Variants in MARS2 observed in about 807,000 individuals in gnomAD.
MARS2 encodes the protein methionyl-tRNA synthetase 2, mitochondrial, also known as methionine--tRNA ligase, mitochondrial.
Under a neutral mutation model 43.8 loss-of-function variants are expected in MARS2, and 33 were observed. The observed-to-expected ratio is 0.75, with a 90% confidence interval of 0.57 to 1.01. The LOEUF is 1.01. MARS2 is among the 50% of genes least tolerant of loss of function. The probability of loss-of-function intolerance (pLI) is 0.00; values close to 1 mark genes in which losing one functional copy is unlikely to be tolerated. For missense variants in MARS2, 720 were observed against 763.0 expected (o/e 0.94, Z 0.66); for synonymous variants, 351 against 325.5 (o/e 1.08, Z -0.84).
In MARS2 at chr2:197,705,410, T is replaced by G. The variant is rs529228852; in HGVS notation, c.5T>G (p.Leu2Arg). Residue 2 changes from leucine to arginine, a missense_variant, in exon 1 of 1, where the codon CTG becomes CGG. Transcript: ENST00000282276. M[L>R]RTSVLRLLGR... Reference sequence around the variant, plus strand: ...CGCTTGCGGCCGGTCTGCACCATGCTGCGAACGTCCGTCCTCCGCCTGCTA... The same window carrying G: ...CGCTTGCGGCCGGTCTGCACCATGCGGCGAACGTCCGTCCTCCGCCTGCTA... 1.9e-5 allele frequency: 30 copies of G among 1,608,592 alleles called. No individual in the cohort carries two copies. The East Asian group carries it at 2.0e-4, about 11-fold the overall frequency.
At position 197,707,184 on chromosome 2, in the gene MARS2, C is replaced by T; in HGVS notation, c.1779C>T (p.Thr593=). The T allele has an allele frequency of 1.9e-6, 3 of 1,607,594 alleles. No individual in the cohort carries two copies. Among genetic ancestry groups the T allele is most frequent in the Non-Finnish European group, 8.5e-7 (1 of 1,177,138 alleles). ...SRTWLVKAHR[T] is the part of the protein sequence containing the mutation. ...CTTGGCTGGTGAAAGCCCACCGGAC[C>T]TAGAAACTCAGTTCTTACCGGCTTG... is the stretch of plus-strand genomic sequence containing the variant. The change falls in exon 1 of 1, where the codon ACC becomes ACT. Residue 593 remains threonine (T), a synonymous_variant. Transcript: ENST00000282276.
rs757649757 is a variant in MARS2 at position 197,705,550 on chromosome 2, A to G, written c.145A>G (p.Thr49Ala). Residue 49 changes from threonine to alanine, a missense_variant, in exon 1 of 1, where the codon ACA becomes GCA. Transcript: ENST00000282276. Reference sequence around the variant, plus strand: ...TTGTGATGTGCGCGCCTACTTCACTACACCCATTTTCTACGTGAACGCGGC... The same window carrying G: ...TTGTGATGTGCGCGCCTACTTCACTGCACCCATTTTCTACGTGAACGCGGC... ...DACDVRAYFT[T>A]PIFYVNAAPH... is the part of the protein sequence containing the mutation. The G allele has an allele frequency of 1.9e-5, 30 of 1,613,232 alleles. No individual in the cohort carries two copies. Among genetic ancestry groups the G allele is most frequent in the Non-Finnish European group, 2.5e-5 (30 of 1,179,970 alleles).
rs1417946840 is a variant in MARS2, at chr2:197,705,624, C to A, written c.219C>A (p.Cys73Ter). Residue 73 changes from cysteine (C) to a stop codon, truncating the protein, a stop_gained, in exon 1 of 1, where the codon TGC (cysteine) becomes TGA (stop). Transcript: ENST00000282276. LOFTEE classifies it high-confidence loss of function. ...LYSALLADAL[C>*]RHRRLRGPST... ...CGGCACTACTGGCGGACGCCCTATGCCGCCACCGTCGCCTCCGAGGTCCCA... is the reference window on the plus strand; with the variant it reads ...CGGCACTACTGGCGGACGCCCTATGACGCCACCGTCGCCTCCGAGGTCCCA... The A allele has an allele frequency of 4.3e-6, 7 of 1,611,608 alleles. No homozygotes were observed. Among genetic ancestry groups the A allele is most frequent in the Non-Finnish European group, 5.1e-6 (6 of 1,179,720 alleles).
Position 197,705,555 on chromosome 2 carries a change from C to G in MARS2, c.150C>G (p.Pro50=). The change falls in exon 1 of 1, where the codon CCC becomes CCG. Residue 50 remains proline, a synonymous_variant. Coordinates refer to ENST00000282276, the MANE Select transcript of MARS2 (RefSeq NM_138395.4). ...ACDVRAYFTT[P]IFYVNAAPHI... ...ATGTGCGCGCCTACTTCACTACACC[C>G]ATTTTCTACGTGAACGCGGCGCCGC... The G allele has an allele frequency of 6.2e-7, 1 of 1,613,360 alleles. No individual in the cohort carries two copies. Among genetic ancestry groups the G allele is most frequent in the South Asian group, 1.1e-5 (1 of 91,086 alleles).
In MARS2 at chr2:197,706,579, G is replaced by T. The variant is rs1178227622; in HGVS notation, c.1174G>T (p.Val392Phe). The T allele has an allele frequency of 6.2e-7, 1 of 1,614,258 alleles. No homozygotes were observed. The highest frequency in any genetic ancestry group is 8.5e-7 in the Non-Finnish European group (1 of 1,180,046). Residue 392 changes from valine (V) to phenylalanine (F), a missense_variant, in exon 1 of 1, where the codon GTT (valine) becomes TTT (phenylalanine). Transcript: ENST00000282276. Reference sequence around the variant, plus strand: ...CTGTGACTACTATGATGAAAAGGTGGTTAAGTTGCTGAACTCCGAGCTGGC... The same window carrying T: ...CTGTGACTACTATGATGAAAAGGTGTTTAAGTTGCTGAACTCCGAGCTGGC... ...WDCDYYDEKV[V>F]KLLNSELADA...
chr2:197,705,596 A>C lies in MARS2; in HGVS notation c.191A>C (p.Tyr64Ser). 1.2e-6 allele frequency: 2 copies of C among 1,612,994 alleles called. No homozygotes were observed. The highest frequency in any genetic ancestry group is 1.7e-6 in the Non-Finnish European group (2 of 1,179,912). The change falls in exon 1 of 1, where the codon TAC becomes TCC. Residue 64 changes from tyrosine (Y) to serine (S), a missense_variant. Tyr to Ser is a moderately radical substitution (Grantham distance 144). Coordinates refer to ENST00000282276, the MANE Select transcript of MARS2 (RefSeq NM_138395.4). ...VNAAPHIGHL[Y>S]SALLADALCR... ...GCGGCGCCGCACATCGGGCACCTGT[A>C]CTCGGCACTACTGGCGGACGCCCTA...
chr2:197,707,468 C>T lies in MARS2; in HGVS notation c.*281C>T, dbSNP rs2089486027. 1.8e-5 allele frequency: 6 copies of T among 332,990 alleles called. No homozygotes were observed. In the South Asian group the frequency reaches 2.3e-4, roughly 13 times the overall value. 20.6% of individuals were successfully genotyped at this position (332,990 alleles called of 1,614,324 possible). A position where few individuals can be genotyped will look rare whatever the true frequency, so the allele number is the denominator to read the frequency against. Reference sequence around the variant, plus strand: ...TAATGCTGTTCCTTCTTTGTGCCTCCTTCCAAACCACAGTTATTTGCCCAA... The same window carrying T: ...TAATGCTGTTCCTTCTTTGTGCCTCTTTCCAAACCACAGTTATTTGCCCAA... On this transcript the variant is annotated 3_prime_UTR_variant, in exon 1 of 1. Coordinates refer to ENST00000282276, the MANE Select transcript of MARS2 (RefSeq NM_138395.4).
chr2:197,706,330 G>C lies in MARS2; in HGVS notation c.925G>C (p.Gly309Arg), dbSNP rs747243729. The C allele has an allele frequency of 6.2e-7, 1 of 1,614,222 alleles. No individual in the cohort carries two copies. The highest frequency in any genetic ancestry group is 1.1e-5 in the South Asian group (1 of 91,080). The change falls in exon 1 of 1, where the codon GGT (glycine) becomes CGT (arginine). Residue 309 changes from glycine to arginine, a missense_variant. Physicochemically the swap from Gly to Arg is moderately radical, Grantham distance 125. Transcript: ENST00000282276. ...SWWPATSHII[G>R]KDILKFHAIY... ...GTGGCCGGCCACCTCTCATATCATA[G>C]GTAAGGACATTCTCAAATTCCATGC...
In MARS2 at chr2:197,705,574, G is replaced by A. The variant is rs763971620; in HGVS notation, c.169G>A (p.Ala57Thr). The A allele has an allele frequency of 1.9e-6, 3 of 1,613,250 alleles. No individual in the cohort carries two copies. In the Admixed American group the frequency reaches 5.0e-5, roughly 27 times the overall value. The change falls in exon 1 of 1, where the codon GCG (alanine) becomes ACG (threonine). Residue 57 changes from alanine to threonine, a missense_variant. Coordinates refer to ENST00000282276, the MANE Select transcript of MARS2 (RefSeq NM_138395.4). Reference sequence around the variant, plus strand: ...TACACCCATTTTCTACGTGAACGCGGCGCCGCACATCGGGCACCTGTACTC... The same window carrying A: ...TACACCCATTTTCTACGTGAACGCGACGCCGCACATCGGGCACCTGTACTC... ...FTTPIFYVNA[A>T]PHIGHLYSAL... is the part of the protein sequence containing the mutation.
chr2:197,705,682 G>A lies in MARS2; in HGVS notation c.277G>A (p.Asp93Asn), dbSNP rs1269449956. 5.0e-6 allele frequency: 8 copies of A among 1,610,818 alleles called. No individual in the cohort carries two copies. In the East Asian group the frequency reaches 8.9e-5, roughly 18 times the overall value. Residue 93 changes from aspartate (D) to asparagine (N), a missense_variant, in exon 1 of 1, where the codon GAC becomes AAC. Transcript: ENST00000282276. Reference sequence around the variant, plus strand: ...CGCCACGCGATTCTCCACTGGTACCGACGAGCACGGGCTGAAGATTCAGCA... The same window carrying A: ...CGCCACGCGATTCTCCACTGGTACCAACGAGCACGGGCTGAAGATTCAGCA... ...TAATRFSTGT[D>N]EHGLKIQQAA... is the part of the protein sequence containing the mutation.
chr2:197,705,525 T>C lies in MARS2; in HGVS notation c.120T>C (p.Ala40=). Residue 40 remains alanine (A), a synonymous_variant, in exon 1 of 1, where the codon GCT becomes GCC. Transcript: ENST00000282276. ...GCTCCCTCAGTGCCGGCGATGATGC[T>C]TGTGATGTGCGCGCCTACTTCACTA... is the stretch of plus-strand genomic sequence containing the variant. The part of the protein sequence containing the change: ...SSGSLSAGDD[A]CDVRAYFTTP... 5 of 1,613,198 alleles carry C rather than the reference T, an allele frequency of 3.1e-6. No homozygotes were observed. Among genetic ancestry groups the C allele is most frequent in the Non-Finnish European group, 4.2e-6 (5 of 1,179,966 alleles).
Position 197,706,968 on chromosome 2 carries a change from G to T in MARS2, c.1563G>T (p.Gly521=), listed in dbSNP as rs1249384395. 2 of 1,614,166 alleles carry T rather than the reference G, an allele frequency of 1.2e-6. No individual in the cohort carries two copies. The highest frequency in any genetic ancestry group is 3.3e-5 in the Admixed American group (2 of 60,032). Residue 521 remains glycine (G), a synonymous_variant, in exon 1 of 1, where the codon GGG becomes GGT. Transcript: ENST00000282276. ...CCTTGGAATGTTTGCGAGTCTTTGG[G>T]ACTTTGCTGCAGCCTGTCACCCCAA... The part of the protein sequence containing the change: ...HVALECLRVF[G]TLLQPVTPSL...
Position 197,706,859 on chromosome 2 carries a change from G to T in MARS2, c.1454G>T (p.Gly485Val). ...AVSSCVRQTN[G>V]FVQRHAPWKL... ...TCCAGCTGTGTCCGGCAAACTAATG[G>T]TTTTGTCCAAAGGCATGCACCATGG... The change falls in exon 1 of 1, where the codon GGT becomes GTT. Residue 485 changes from glycine (G) to valine (V), a missense_variant. Transcript: ENST00000282276. 1 of 1,614,182 alleles carries T rather than the reference G, an allele frequency of 6.2e-7. No individual in the cohort carries two copies. The highest frequency in any genetic ancestry group is 8.5e-7 in the Non-Finnish European group (1 of 1,180,048).
chr2:197,705,612 G>T lies in MARS2; in HGVS notation c.207G>T (p.Ala69=). The stretch of plus-strand genomic sequence containing the variant: ...GGCACCTGTACTCGGCACTACTGGC[G>T]GACGCCCTATGCCGCCACCGTCGCC... ...HIGHLYSALL[A]DALCRHRRLR... The change falls in exon 1 of 1, where the codon GCG becomes GCT. Residue 69 remains alanine, a synonymous_variant. Coordinates refer to ENST00000282276, the MANE Select transcript of MARS2 (RefSeq NM_138395.4). The T allele has an allele frequency of 6.2e-7, 1 of 1,612,242 alleles. No homozygotes were observed.
In MARS2 at chr2:197,705,412, C is replaced by T; in HGVS notation, c.7C>T (p.Arg3Ter). The T allele has an allele frequency of 6.2e-7, 1 of 1,608,432 alleles. No individual in the cohort carries two copies. The highest frequency in any genetic ancestry group is 1.3e-5 in the African/African-American group (1 of 74,994). Residue 3 changes from arginine to a stop codon, truncating the protein, a stop_gained, in exon 1 of 1, where the codon CGA (arginine) becomes TGA (stop). Transcript: ENST00000282276. LOFTEE classifies it high-confidence loss of function. The part of the protein sequence containing the change: ML[R>*]TSVLRLLGRT... Reference sequence around the variant, plus strand: ...CTTGCGGCCGGTCTGCACCATGCTGCGAACGTCCGTCCTCCGCCTGCTAGG... The same window carrying T: ...CTTGCGGCCGGTCTGCACCATGCTGTGAACGTCCGTCCTCCGCCTGCTAGG...
In MARS2 at chr2:197,707,966, C is replaced by T. The variant is rs987536615; in HGVS notation, c.*779C>T. On this transcript the variant is annotated 3_prime_UTR_variant, in exon 1 of 1. Coordinates refer to ENST00000282276, the MANE Select transcript of MARS2 (RefSeq NM_138395.4). The stretch of plus-strand genomic sequence containing the variant: ...GTTTTAATGGAAAGCAAAAAACCCC[C>T]CCAAACTTATCAGAATCCTCGTTCT... The T allele has an allele frequency of 2.4e-5, 4 of 167,096 alleles. No homozygotes were observed. Among genetic ancestry groups the T allele is most frequent in the African/African-American group, 9.6e-5 (4 of 41,452 alleles). The allele number at this position is 167,096 out of a possible 1,614,324, so 10.4% of individuals were successfully genotyped here. A position where few individuals can be genotyped will look rare whatever the true frequency, so the allele number is the denominator to read the frequency against.
Position 197,705,995 on chromosome 2 carries a change from T to C in MARS2, c.590T>C (p.Leu197Pro). 6.2e-7 allele frequency: 1 copy of C among 1,614,182 alleles called. No individual in the cohort carries two copies. The highest frequency in any genetic ancestry group is 8.5e-7 in the Non-Finnish European group (1 of 1,180,024). The change falls in exon 1 of 1, where the codon CTC (leucine) becomes CCC (proline). Residue 197 changes from leucine (L) to proline (P), a missense_variant. Leu to Pro is a moderately conservative substitution (Grantham distance 98, BLOSUM62 -3). Coordinates refer to ENST00000282276, the MANE Select transcript of MARS2 (RefSeq NM_138395.4). ...GPSGDSFPVS[L>P]ESGHPVSWTK... ...TCGGGGGATTCGTTTCCTGTATCTC[T>C]CGAGAGCGGGCATCCAGTCTCCTGG...
rs1427942505 is a variant in MARS2, at chr2:197,706,874, A to C, written c.1469A>C (p.His490Pro). The change falls in exon 1 of 1, where the codon CAT becomes CCT. Residue 490 changes from histidine (H) to proline (P), a missense_variant. Coordinates refer to ENST00000282276, the MANE Select transcript of MARS2 (RefSeq NM_138395.4). ...CAAACTAATGGTTTTGTCCAAAGGC[A>C]TGCACCATGGAAGCTGAACTGGGAG... ...VRQTNGFVQR[H>P]APWKLNWESP... 11 of 1,614,196 alleles carry C rather than the reference A, an allele frequency of 6.8e-6. No homozygotes were observed. The highest frequency in any genetic ancestry group is 9.3e-6 in the Non-Finnish European group (11 of 1,180,030).
rs762060865 is a variant in MARS2, at chr2:197,705,893, G to T, written c.488G>T (p.Gly163Val). Residue 163 changes from glycine to valine, a missense_variant, in exon 1 of 1, where the codon GGC becomes GTC. Gly to Val is a moderately radical substitution (Grantham distance 109). Coordinates refer to ENST00000282276, the MANE Select transcript of MARS2 (RefSeq NM_138395.4). Reference protein sequence around the residue: ...VLKSRGLLYKGVYEGWYCASD... With the variant: ...VLKSRGLLYKVVYEGWYCASD... ...AAGTCCCGCGGTCTGCTCTACAAGG[G>T]CGTCTATGAAGGTTGGTATTGCGCT... 9.9e-6 allele frequency: 16 copies of T among 1,614,016 alleles called. No individual in the cohort carries two copies. Among genetic ancestry groups the T allele is most frequent in the Non-Finnish European group, 1.4e-5 (16 of 1,180,060 alleles).
Sources: allele counts gnomAD v4.1 joint callset, GRCh38; gene constraint gnomAD v4.1.1; transcripts MANE v1.5; gene names NCBI Gene and HGNC (gene_info 2026-07-23, HGNC 2026-07-21).